Variants in PIP4K2A observed in about 807,000 individuals in gnomAD.
PIP4K2A encodes phosphatidylinositol 5-phosphate 4-kinase type-2 alpha.
In PIP4K2A, 14 loss-of-function variants were observed where a neutral mutation model predicts 42.9. The ratio of observed to expected loss-of-function variants is 0.33; its 90% CI spans 0.22 to 0.51. PIP4K2A has a LOEUF of 0.51. Ranked by LOEUF, PIP4K2A falls within the 20% of genes least tolerant of loss-of-function variation. PIP4K2A has a pLI of 0.97. For missense variants in PIP4K2A, 434 were observed against 519.8 expected (o/e 0.83, Z 1.61); for synonymous variants, 192 against 192.2 (o/e 1.00, Z 0.01).
At chr10:22,680,566 G>A (rs1464216659) in intron 1 of PIP4K2A, among the ~76,000 whole-genome samples, 1 of 148,750 alleles carries the variant, frequency 6.7e-6, no homozygotes, top group Middle Eastern at 3.2e-3. Flanking sequence ...ACAATAAAAA[G>A]GCTAGCATAC....
intron 4 of PIP4K2A, among the ~76,000 whole-genome samples, chr10:22,576,186 T>C (rs907934995): frequency 1.2e-4 from 18 of 152,126 alleles, no homozygotes; most frequent in Non-Finnish European, 2.4e-4. Flanking sequence ...TAGAGAAAAT[T>C]ATACCTATTA....
At chr10:22,571,299 G>A (rs531230660) in intron 5 of PIP4K2A, among the ~76,000 whole-genome samples, 39 of 152,342 alleles carry the variant, frequency 2.6e-4, no homozygotes, top group African/African-American at 9.1e-4. Context: ...TGGGGTGCTT[G>A]CTACATGTGG....
In PIP4K2A at chr10:22,654,428, G is replaced by C. The variant is rs747473002; in HGVS notation, c.145-44711C>G. On this transcript the variant is annotated intron_variant, in intron 1 of 9. Transcript: ENST00000376573. ...TCAGAGTGGGCAAATGATCCAAATC[G>C]TAAGTACAAAAAGCTAAAAATTGGA... Among the ~76,000 whole-genome samples, 50 of 152,140 alleles carry C rather than the reference G, an allele frequency of 3.3e-4. 1 individual carries two copies. The highest frequency in any genetic ancestry group is 1.3e-4 in the Non-Finnish European group (9 of 68,018).
chr10:22,626,692 A>G (rs184176686), intron 1 of PIP4K2A, among the ~76,000 whole-genome samples: 2 of 152,310 alleles, frequency 1.3e-5, no homozygotes, highest in East Asian at 3.9e-4. Flanking sequence ...TCATATTTTA[A>G]TGTAAAGTAT....
At chr10:22,672,849 A>T (rs1031409680) in intron 1 of PIP4K2A, among the ~76,000 whole-genome samples, 2 of 152,238 alleles carry the variant, frequency 1.3e-5, no homozygotes, top group African/African-American at 4.8e-5. Context: ...CGTCCTAAAA[A>T]GGTGAGCAGC....
At chr10:22,657,364 C>T (rs569030026) in intron 1 of PIP4K2A, among the ~76,000 whole-genome samples, 2 of 152,370 alleles carry the variant, frequency 1.3e-5, no homozygotes, top group Admixed American at 1.3e-4. Flanking sequence ...AAGCACCAGT[C>T]TTCCATCAGC....
intron 4 of PIP4K2A, among the ~76,000 whole-genome samples, chr10:22,578,975 T>G (rs1358193338): frequency 6.6e-6 from 1 of 152,086 alleles, no homozygotes; most frequent in Non-Finnish European, 1.5e-5. Context: ...ATTCTAGATT[T>G]TGAAAGCAGA....
At chr10:22,651,576 G>A (rs576891019) in intron 1 of PIP4K2A, among the ~76,000 whole-genome samples, 15 of 152,268 alleles carry the variant, frequency 9.9e-5, no homozygotes, top group South Asian at 6.2e-4. Context: ...CTTCCTAGGC[G>A]TCCACACCAC....
rs191709088 is a variant in PIP4K2A at position 22,588,063 on chromosome 10, G to A, written c.492+3566C>T. ...ATTAACACTGTTACTCTTCACTGCT[G>A]CTGTATTTTTAAAAACCTCTTCTAT... On this transcript the variant is annotated intron_variant, in intron 4 of 9. Transcript: ENST00000376573. 1.8e-3 allele frequency among the ~76,000 whole-genome samples: 271 copies of A among 152,310 alleles called. 1 individual carries two copies. The highest frequency in any genetic ancestry group is 6.4e-3 in the African/African-American group (264 of 41,568).
Position 22,694,429 on chromosome 10 carries a change from A to G in PIP4K2A, c.144+19754T>C, listed in dbSNP as rs183738962. On this transcript the variant is annotated intron_variant, in intron 1 of 9. Coordinates refer to ENST00000376573, the MANE Select transcript of PIP4K2A (RefSeq NM_005028.5). Reference sequence around the variant, plus strand: ...TGTAGTATAAAAAACAAAGCCTTTCAGTAATGAGGTGGGGCGTGACCCCAA... The same window carrying G: ...TGTAGTATAAAAAACAAAGCCTTTCGGTAATGAGGTGGGGCGTGACCCCAA... 7.2e-5 allele frequency: 11 copies of G among 152,342 alleles called. No individual in the cohort carries two copies. In the East Asian group the frequency reaches 2.1e-3, roughly 29 times the overall value. 9.4% of individuals were successfully genotyped at this position (152,342 alleles called of 1,614,324 possible).
At chr10:22,551,463 C>G (rs946033084) in intron 6 of PIP4K2A, among the ~76,000 whole-genome samples, 2 of 152,184 alleles carry the variant, frequency 1.3e-5, no homozygotes, top group Non-Finnish European at 2.9e-5. Context: ...AATAAGTAAA[C>G]TGCACTTATG....
chr10:22,649,044 C>T (rs1041355963), intron 1 of PIP4K2A, among the ~76,000 whole-genome samples: 7 of 152,158 alleles, frequency 4.6e-5, no homozygotes, highest in Admixed American at 2.6e-4. Context: ...CTAATCTGGG[C>T]ACTGGAATAT....
intron 1 of PIP4K2A, among the ~76,000 whole-genome samples, chr10:22,644,791 T>A (rs1838848299): frequency 6.6e-6 from 1 of 152,208 alleles, no homozygotes; most frequent in South Asian, 2.1e-4. Context: ...GGACCTACAC[T>A]TGTGCCAGGT....
intron 5 of PIP4K2A, among the ~76,000 whole-genome samples, chr10:22,572,933 T>C (rs1290010886): frequency 6.6e-6 from 1 of 152,218 alleles, no homozygotes; most frequent in Non-Finnish European, 1.5e-5. Flanking sequence ...TTTAATTCTG[T>C]CTATAGCACT....
At chr10:22,601,689 G>A (rs1030075924) in intron 3 of PIP4K2A, among the ~76,000 whole-genome samples, 1 of 152,220 alleles carries the variant, frequency 6.6e-6, no homozygotes, top group Non-Finnish European at 1.5e-5. Flanking sequence ...AAGCACGACT[G>A]TGCCAATCCT....
rs772308975 is a variant in PIP4K2A, at chr10:22,537,210, G to A, written c.1212C>T (p.Ile404=). Residue 404 remains isoleucine, a synonymous_variant, in exon 10 of 10, where the codon ATC becomes ATT. Transcript: ENST00000376573. ...GAGGCTGCGCAGGAGGTTACGTCAA[G>A]ATGTGGCCAATAAAGTCCAAAAAGC... The part of the protein sequence containing the change: ...SKRFLDFIGH[I]LT The A allele has an allele frequency of 4.4e-6, 7 of 1,603,802 alleles. No individual in the cohort carries two copies. The African/African-American group carries it at 5.4e-5, about 12-fold the overall frequency.
intron 1 of PIP4K2A, among the ~76,000 whole-genome samples, chr10:22,708,058 G>A (rs1833852543): frequency 6.6e-6 from 1 of 152,110 alleles, no homozygotes; most frequent in Non-Finnish European, 1.5e-5. Context: ...AAACAAATCT[G>A]GTTAGGAGTG....
rs116582822 is a variant in PIP4K2A, at chr10:22,537,427, C to T, written c.1141-146G>A. 17 of 646,976 alleles carry T rather than the reference C, an allele frequency of 2.6e-5. No homozygotes were observed. In the African/African-American group the frequency reaches 3.1e-4, roughly 12 times the overall value. The allele number at this position is 646,976 out of a possible 1,614,324, so 40.1% of individuals were successfully genotyped here. On this transcript the variant is annotated intron_variant, in intron 9 of 9. Coordinates refer to ENST00000376573, the MANE Select transcript of PIP4K2A (RefSeq NM_005028.5). ...ATGCAGTCTCTGCTCTGAAAAACAT[C>T]ACTCAAAATATCTTGGCGCTCATGG...
At chr10:22,646,634 G>C (rs1246487060) in intron 1 of PIP4K2A, among the ~76,000 whole-genome samples, 1 of 152,174 alleles carries the variant, frequency 6.6e-6, no homozygotes, top group African/African-American at 2.4e-5. Context: ...GGTTATCAGA[G>C]AGTAAAAGCC....
Sources: gnomAD v4.1 joint callset for allele counts (sites outside exome capture counted in the v4.1 genomes callset) on GRCh38, gnomAD v4.1.1 for gene constraint, MANE v1.5 for transcripts, NCBI Gene and HGNC (gene_info 2026-07-23, HGNC 2026-07-21) for gene names.